Variants in COL8A1 observed in about 807,000 individuals in gnomAD.
COL8A1 encodes collagen alpha-1(VIII) chain.
A neutral mutation model predicts 42.7 loss-of-function variants in COL8A1; 21 were observed. The ratio of observed to expected loss-of-function variants is 0.49; its 90% CI spans 0.35 to 0.71. The LOEUF is 0.71. Among genes scored for constraint, COL8A1 ranks in the 30% least tolerant of loss-of-function variants. COL8A1 has a pLI of 0.01. For missense variants in COL8A1, 788 were observed against 962.4 expected (o/e 0.82, Z 2.40); for synonymous variants, 367 against 369.1 (o/e 0.99, Z 0.06).
chr3:99,686,107 T>C (rs1401172607), intron 1 of COL8A1, among the ~76,000 whole-genome samples: 3 of 152,208 alleles, frequency 2.0e-5, no homozygotes, highest in Non-Finnish European at 4.4e-5. Flanking sequence ...ACTAATCACA[T>C]AGCCCTAAAT....
chr3:99,660,524 A>C (rs1576418238), intron 1 of COL8A1, among the ~76,000 whole-genome samples: 1 of 152,120 alleles, frequency 6.6e-6, no homozygotes, highest in East Asian at 1.9e-4. Flanking sequence ...GTGGTGGTGC[A>C]AGGGGGCTGG....
intron 1 of COL8A1, chr3:99,678,486 C>T (rs921097478): frequency 1.3e-5 from 2 of 152,044 alleles, no homozygotes; most frequent in Non-Finnish European, 2.9e-5. Flanking sequence ...GCATTGTGCT[C>T]AGCCGAAGAG....
chr3:99,763,049 C>T (rs1404439053), intron 2 of COL8A1, among the ~76,000 whole-genome samples: 1 of 152,100 alleles, frequency 6.6e-6, no homozygotes, highest in African/African-American at 2.4e-5. Flanking sequence ...ATTCAAGATC[C>T]CTAGCTTCAT....
At chr3:99,793,107 A>G (rs543436405) in intron 3 of COL8A1, among the ~76,000 whole-genome samples, 1 of 152,294 alleles carries the variant, frequency 6.6e-6, no homozygotes, top group South Asian at 2.1e-4. Context: ...GGTGGTTACC[A>G]GAGGCCTTGG....
intron 1 of COL8A1, among the ~76,000 whole-genome samples, chr3:99,744,051 C>T (rs544344794): frequency 5.9e-5 from 9 of 152,150 alleles, no homozygotes; most frequent in South Asian, 2.1e-4. Context: ...GCCTCAGCCT[C>T]CCAAGTAGCT....
intron 2 of COL8A1, among the ~76,000 whole-genome samples, chr3:99,776,839 G>C (rs1332286338): frequency 6.6e-6 from 1 of 152,212 alleles, no homozygotes; most frequent in Non-Finnish European, 1.5e-5. Flanking sequence ...CCAGAACTGA[G>C]GGTTCCTCCC....
chr3:99,735,519 TA>T (rs1940677286), intron 1 of COL8A1, among the ~76,000 whole-genome samples: 1 of 149,180 alleles, frequency 6.7e-6, no homozygotes, highest in Non-Finnish European at 1.5e-5. Flanking sequence ...TCATGGTGGA[TA>T]AGCTTTTGGA....
chr3:99,644,704 A>G (rs150150269), intron 1 of COL8A1, among the ~76,000 whole-genome samples: 75 of 152,322 alleles, frequency 4.9e-4, no homozygotes, highest in African/African-American at 1.8e-3. Context: ...TAAGCTTCCA[A>G]TTGATGTGTT....
intron 1 of COL8A1, among the ~76,000 whole-genome samples, chr3:99,701,354 A>G (rs924111860): frequency 7.2e-5 from 11 of 152,232 alleles, no homozygotes; most frequent in Non-Finnish European, 1.6e-4. Flanking sequence ...CAAACAAAAT[A>G]TGGGTGGTCA....
rs1942102058 is a variant in COL8A1, at chr3:99,795,993, G to A, written c.2092G>A (p.Asp698Asn). The change falls in exon 4 of 4, where the codon GAC becomes AAC. Residue 698 changes from aspartate (D) to asparagine (N), a missense_variant. This residue lies in a region of COL8A1 where 212 missense variants were observed against 210.9 expected (regional missense o/e 1.00). Transcript: ENST00000652472. The part of the protein sequence containing the change: ...TYDEYKKGFL[D>N]QASGSAVLLL... Reference sequence around the variant, plus strand: ...CGACGAGTACAAAAAGGGCTTCCTGGACCAGGCATCTGGGAGTGCAGTGCT... The same window carrying A: ...CGACGAGTACAAAAAGGGCTTCCTGAACCAGGCATCTGGGAGTGCAGTGCT... 6.2e-7 allele frequency: 1 copy of A among 1,613,984 alleles called. No homozygotes were observed. Among genetic ancestry groups the A allele is most frequent in the Admixed American group, 1.7e-5 (1 of 60,028 alleles).
chr3:99,692,609 T>C (rs941494013), intron 1 of COL8A1, among the ~76,000 whole-genome samples: 3 of 152,238 alleles, frequency 2.0e-5, no homozygotes, highest in African/African-American at 7.2e-5. Flanking sequence ...GTCAAATGTG[T>C]TCTTCAATTT....
intron 1 of COL8A1, among the ~76,000 whole-genome samples, chr3:99,739,554 C>T (rs1218878221): frequency 1.3e-5 from 2 of 152,214 alleles, no homozygotes; most frequent in East Asian, 3.9e-4. Context: ...CAATTCTTGA[C>T]TGCTGTGTAC....
At chr3:99,717,561 C>T (rs140227908) in intron 1 of COL8A1, among the ~76,000 whole-genome samples, 25 of 152,060 alleles carry the variant, frequency 1.6e-4, no homozygotes, top group African/African-American at 5.1e-4. Context: ...GCTCAGAGTG[C>T]CACTAGAAAT....
intron 1 of COL8A1, among the ~76,000 whole-genome samples, chr3:99,725,911 A>G (rs1010102063): frequency 6.6e-5 from 10 of 152,014 alleles, no homozygotes; most frequent in Non-Finnish European, 1.2e-4. Context: ...ATGATTTATA[A>G]TCCTTTGGGT....
intron 2 of COL8A1, among the ~76,000 whole-genome samples, chr3:99,751,379 G>A (rs1025190191): frequency 2.6e-5 from 4 of 152,128 alleles, no homozygotes; most frequent in African/African-American, 7.2e-5. Context: ...CCAACATGGC[G>A]AAACCCTGCC....
intron 2 of COL8A1, among the ~76,000 whole-genome samples, chr3:99,751,968 G>T (rs1941159166): frequency 6.6e-6 from 1 of 151,880 alleles, no homozygotes. Context: ...AAGAATAATG[G>T]GACATTCATT....
At chr3:99,764,216 C>T (rs1941416788) in intron 2 of COL8A1, among the ~76,000 whole-genome samples, 1 of 152,140 alleles carries the variant, frequency 6.6e-6, no homozygotes, top group Non-Finnish European at 1.5e-5. Context: ...GTTCACAAAA[C>T]ATTAGAGATT....
At position 99,784,040 on chromosome 3, in the gene COL8A1, G is replaced by A. The variant is rs368534483; in HGVS notation, c.-3-6640G>A. On this transcript the variant is annotated intron_variant, in intron 2 of 3. Coordinates refer to ENST00000652472, the MANE Select transcript of COL8A1 (RefSeq NM_020351.4). ...AAAGAGTAAGAAAGCCTGTCTAAGA[G>A]CTTGTCTTATGTAAGAGAAGAATTC... 2.0e-5 allele frequency among the ~76,000 whole-genome samples: 3 copies of A among 152,288 alleles called. No individual in the cohort carries two copies. In the South Asian group the frequency reaches 6.2e-4, roughly 32 times the overall value.
intron 1 of COL8A1, among the ~76,000 whole-genome samples, chr3:99,673,684 T>TTTCTTTTAGAATATTCTTTTAGAATA (rs1225289749): frequency 4.6e-5 from 7 of 152,086 alleles, no homozygotes; most frequent in South Asian, 2.1e-4. Flanking sequence ...TTTTGGAGGA[T>TTTCTTTTAGAATATTCTTTTAGAATA]TTCTTTTAGA....
Sources: allele counts gnomAD v4.1 joint callset (sites outside exome capture counted in the v4.1 genomes callset), GRCh38; gene constraint gnomAD v4.1.1; regional missense constraint gnomAD v4.1.1; transcripts MANE v1.5; gene names NCBI Gene and HGNC (gene_info 2026-07-23, HGNC 2026-07-21).